The following TYW1B variants were observed in gnomAD, a reference collection of about 807,000 sequenced individuals.
The protein encoded by TYW1B is S-adenosyl-L-methionine-dependent tRNA 4-demethylwyosine synthase TYW1B.
TYW1B carries 73 observed loss-of-function variants against 86.9 expected under a neutral mutation model. The observed-to-expected ratio is 0.84, with a 90% CI of 0.70 to 1.02. The LOEUF is 1.02. TYW1B is among the 50% of genes least tolerant of loss of function. The pLI, the probability that TYW1B is intolerant of heterozygous loss-of-function variation, is 0.00. For synonymous variants in TYW1B, 248 were observed against 292.8 expected (o/e 0.85, Z 1.56); for missense variants, 637 against 827.4 (o/e 0.77, Z 2.82).
Position 72,770,953 on chromosome 7 carries a change from C to CTT in TYW1B, c.964+6461_964+6462dup, listed in dbSNP as rs202136569. ...ACATGATTCCACTCATATGAATTTC[C>CTT]TTTTTTTTTTTTTTTTTTTTTTTTT... On this transcript the variant is annotated intron_variant, in intron 7 of 13. Transcript: ENST00000620995. Among the ~76,000 whole-genome samples, 124 of 87,496 alleles carry CTT rather than the reference C, an allele frequency of 1.4e-3. 5 individuals are homozygous for CTT. The highest frequency in any genetic ancestry group is 4.7e-3 in the African/African-American group (104 of 22,178). The allele number at this position is 87,496 out of a possible 152,430, so 57.4% of individuals were successfully genotyped here. A position where few individuals can be genotyped will look rare whatever the true frequency, so the allele number is the denominator to read the frequency against.
chr7:72,715,902 G>A lies in TYW1B; in HGVS notation c.1193-2104C>T, dbSNP rs376890934. On this transcript the variant is annotated intron_variant, in intron 9 of 13. Transcript: ENST00000620995. ...AGAAGCGTGTTCATGTGTCTTCTCC[G>A]ACTCCTATTGGACATCTTTGTTTTG... is the stretch of plus-strand genomic sequence containing the variant. Among the ~76,000 whole-genome samples the A allele has an allele frequency of 6.6e-3, 1,008 of 152,030 alleles. 12 individuals are homozygous for A. Among genetic ancestry groups the A allele is most frequent in the African/African-American group, 0.021 (861 of 41,444 alleles).
intron 13 of TYW1B, among the ~76,000 whole-genome samples, chr7:72,603,691 C>T (rs1388442982): frequency 2.0e-5 from 3 of 152,086 alleles, no homozygotes. Flanking sequence ...AGTCATAAGC[C>T]ATGCTGGCAG....
intron 3 of TYW1B, among the ~76,000 whole-genome samples, chr7:72,812,588 A>T (rs1262309135): frequency 6.6e-6 from 1 of 152,128 alleles, no homozygotes; most frequent in Non-Finnish European, 1.5e-5. Flanking sequence ...GCACACCAAT[A>T]CATTTTCTTG....
chr7:72,609,758 T>C (rs1176079371), intron 13 of TYW1B, among the ~76,000 whole-genome samples: 4 of 152,060 alleles, frequency 2.6e-5, no homozygotes, highest in Non-Finnish European at 5.9e-5. Context: ...TTTCTTTCAC[T>C]AGACACTAGT....
chr7:72,736,214 T>C (rs1554460982), intron 8 of TYW1B, among the ~76,000 whole-genome samples: 1 of 152,104 alleles, frequency 6.6e-6, no homozygotes, highest in Admixed American at 6.6e-5. Context: ...ACTTAGAACT[T>C]TTCAAAAGAG....
chr7:72,807,205 T>C lies in TYW1B; in HGVS notation c.584A>G (p.Gln195Arg), dbSNP rs1788512957. Residue 195 changes from glutamine to arginine, a missense_variant, in exon 5 of 14, where the codon CAG becomes CGG. Transcript: ENST00000620995. The stretch of plus-strand genomic sequence containing the variant: ...CTTTCTCTCCCCTTTCTGAAGTGCC[T>C]GCAGCTGGGAGATGAACTTGGTCTT... ...AWKTKFISQL[Q>R]ALQKGERKKS... is the part of the protein sequence containing the mutation. 6.2e-7 allele frequency: 1 copy of C among 1,614,104 alleles called. No individual in the cohort carries two copies. Among genetic ancestry groups the C allele is most frequent in the Non-Finnish European group, 8.5e-7 (1 of 1,179,986 alleles).
At chr7:72,744,100 A>T (rs1787352543) in intron 8 of TYW1B, among the ~76,000 whole-genome samples, 1 of 152,132 alleles carries the variant, frequency 6.6e-6, no homozygotes, top group Non-Finnish European at 1.5e-5. Flanking sequence ...CTTAGCATAA[A>T]ACTAGTCGTA....
At chr7:72,735,569 TAAAA>T (rs1169710498) in intron 8 of TYW1B, among the ~76,000 whole-genome samples, 8 of 118,652 alleles carry the variant, frequency 6.7e-5, no homozygotes, top group Admixed American at 8.8e-5. Context: ...GACTCTGCCT[TAAAA>T]AAAAAAAAAA....
At chr7:72,761,062 A>T (rs2129571696) in intron 7 of TYW1B, among the ~76,000 whole-genome samples, 1 of 152,342 alleles carries the variant, frequency 6.6e-6, no homozygotes, top group South Asian at 2.1e-4. Context: ...TAAATTGTTA[A>T]TAAATAAATT....
chr7:72,728,029 C>T (rs1387112090), intron 9 of TYW1B, among the ~76,000 whole-genome samples: 1 of 152,008 alleles, frequency 6.6e-6, no homozygotes, highest in Non-Finnish European at 1.5e-5. Context: ...AATGGAGTGG[C>T]TGAATTTTTA....
At chr7:72,593,292 T>TTAAAAA (rs1554431882) in intron 13 of TYW1B, among the ~76,000 whole-genome samples, 1 of 82,148 alleles carries the variant, frequency 1.2e-5, no homozygotes. Flanking sequence ...AAACTCCATC[T>TTAAAAA]CAAAAAAAGA....
intron 10 of TYW1B, among the ~76,000 whole-genome samples, chr7:72,701,921 T>G (rs1448989281): frequency 6.6e-6 from 1 of 152,124 alleles, no homozygotes; most frequent in Non-Finnish European, 1.5e-5. Context: ...CTGCCTTGGT[T>G]TTCGCTGCCT....
intron 6 of TYW1B, among the ~76,000 whole-genome samples, chr7:72,780,503 T>G (rs1393330317): frequency 1.3e-5 from 2 of 152,106 alleles, no homozygotes; most frequent in Non-Finnish European, 2.9e-5. Context: ...TGGACCGAGG[T>G]CCATGACACT....
chr7:72,814,525 A>T lies in TYW1B; in HGVS notation c.237+855T>A, dbSNP rs193107494. The stretch of plus-strand genomic sequence containing the variant: ...TGTGAACCCGGGAGGCGGAGCTTGC[A>T]GTGAGCCGAGATCGCGCCACTGCAC... On this transcript the variant is annotated intron_variant, in intron 3 of 13. Transcript: ENST00000620995. Among the ~76,000 whole-genome samples, 13 of 152,066 alleles carry T rather than the reference A, an allele frequency of 8.5e-5. 1 individual carries two copies. Among genetic ancestry groups the T allele is most frequent in the African/African-American group, 2.9e-4 (12 of 41,486 alleles).
intron 13 of TYW1B, among the ~76,000 whole-genome samples, chr7:72,605,363 T>TG (rs1554434619): frequency 6.6e-6 from 1 of 151,936 alleles, no homozygotes; most frequent in African/African-American, 2.4e-5. Flanking sequence ...TGTTTTGTTT[T>TG]TTTTTTTTGA....
chr7:72,667,818 T>G (rs562964333), intron 11 of TYW1B, among the ~76,000 whole-genome samples: 1 of 152,358 alleles, frequency 6.6e-6, no homozygotes, highest in South Asian at 2.1e-4. Flanking sequence ...GTTCCTATAC[T>G]CTTCAGGCAA....
At chr7:72,586,819 G>T (rs1461057513) in intron 13 of TYW1B, among the ~76,000 whole-genome samples, 1 of 151,980 alleles carries the variant, frequency 6.6e-6, no homozygotes, top group African/African-American at 2.4e-5. Context: ...ACTCTATCAG[G>T]CAGGACATTC....
intron 7 of TYW1B, among the ~76,000 whole-genome samples, chr7:72,761,582 C>A (rs1445571396): frequency 1.5e-5 from 2 of 131,162 alleles, no homozygotes; most frequent in Non-Finnish European, 3.3e-5. Context: ...CAGAGTGAGA[C>A]CCTGTCTCAA....
At position 72,591,830 on chromosome 7, in the gene TYW1B, A is replaced by AT. The variant is rs782600800; in HGVS notation, c.1786-16112dup. 9.6e-4 allele frequency among the ~76,000 whole-genome samples: 145 copies of AT among 150,838 alleles called. 1 individual carries two copies. Among genetic ancestry groups the AT allele is most frequent in the Admixed American group, 2.0e-3 (30 of 15,178 alleles). On this transcript the variant is annotated intron_variant, in intron 13 of 13. Coordinates refer to ENST00000620995, the MANE Select transcript of TYW1B (RefSeq NM_001145440.3). ...TCTATATATTTTTTCTTTTATTTTT[A>AT]TTTTTTTGAGATGGAGTCTCGCTCT...
Sources: gnomAD v4.1 joint callset for allele counts (sites outside exome capture counted in the v4.1 genomes callset) on GRCh38, gnomAD v4.1.1 for gene constraint, MANE v1.5 for transcripts, NCBI Gene and HGNC (gene_info 2026-07-23, HGNC 2026-07-21) for gene names.